Variants in ZNF567 observed in about 807,000 individuals in gnomAD.
ZNF567 encodes the protein zinc finger protein 567.
ZNF567 carries 36 observed loss-of-function variants against 53.9 expected under a neutral mutation model. That is an observed-to-expected ratio of 0.67 (90% CI 0.51 to 0.88). The LOEUF (loss-of-function observed/expected upper bound fraction) is 0.88. Ranked by LOEUF, ZNF567 falls within the 40% of genes least tolerant of loss-of-function variation. ZNF567 has a pLI of 0.00. For synonymous variants in ZNF567, 224 were observed against 260.4 expected (o/e 0.86, Z 1.35); for missense variants, 619 against 764.7 (o/e 0.81, Z 2.25).
chr19:36,719,468 T>C lies in ZNF567; in HGVS notation c.744T>C (p.Asn248=), dbSNP rs1248214651. 2 of 1,610,262 alleles carry C rather than the reference T, an allele frequency of 1.2e-6. No individual in the cohort carries two copies. Among genetic ancestry groups the C allele is most frequent in the African/African-American group, 1.3e-5 (1 of 74,544 alleles). ...ATAATAAAAAAAGAAGAGCAACCAA[T>C]ATTGAAAAAAAACATACATGCAATG... ...SVYNKKRRAT[N]IEKKHTCNEC... is the part of the protein sequence containing the mutation. The change falls in exon 6 of 6, where the codon AAT becomes AAC. Residue 248 remains asparagine (N), a synonymous_variant. Coordinates refer to ENST00000682579, the MANE Select transcript of ZNF567 (RefSeq NM_001322917.1).
At chr19:36,682,283 C>CAAA in the ZNF567 span, among the ~76,000 whole-genome samples, 2 of 96,608 alleles carry the variant, frequency 2.1e-5, no homozygotes, top group African/African-American at 7.8e-5. Context: ...GACCCTGTCT[C>CAAA]AAAAAAAAAA....
the ZNF567 span, among the ~76,000 whole-genome samples, chr19:36,675,597 C>T: frequency 4.6e-5 from 7 of 152,200 alleles, no homozygotes; most frequent in East Asian, 5.8e-4. Flanking sequence ...CACTTGAACC[C>T]GGGAGGCGGA....
chr19:36,672,428 G>A, the ZNF567 span, among the ~76,000 whole-genome samples: 3 of 152,102 alleles, frequency 2.0e-5, no homozygotes, highest in Non-Finnish European at 4.4e-5. Flanking sequence ...TTTCATAATC[G>A]GGTGTATAGG....
the ZNF567 span, among the ~76,000 whole-genome samples, chr19:36,680,738 T>C: frequency 2.6e-5 from 4 of 152,198 alleles, no homozygotes; most frequent in African/African-American, 9.6e-5. Flanking sequence ...ACTTTGCCTC[T>C]TTTTCTGGTG....
the ZNF567 span, among the ~76,000 whole-genome samples, chr19:36,669,627 T>C: frequency 0.37 from 56,732 of 151,984 alleles, 10,860 homozygotes; most frequent in East Asian, 0.6. Context: ...GAGAATGGTG[T>C]CATGTTGGGA....
chr19:36,681,797 T>C, the ZNF567 span, among the ~76,000 whole-genome samples: 161 of 152,130 alleles, frequency 1.1e-3, 1 homozygote, highest in African/African-American at 3.8e-3. Flanking sequence ...CCAGTTCATA[T>C]GTTTAATATT....
At chr19:36,671,932 G>C in the ZNF567 span, among the ~76,000 whole-genome samples, 1 of 152,232 alleles carries the variant, frequency 6.6e-6, no homozygotes, top group Non-Finnish European at 1.5e-5. Flanking sequence ...CACATGTGAA[G>C]AAGTGGCCCA....
chr19:36,726,511 C>CA (rs1156291442), downstream of ZNF567, among the ~76,000 whole-genome samples: 1 of 152,188 alleles, frequency 6.6e-6, no homozygotes, highest in Non-Finnish European at 1.5e-5. Context: ...TGCTCCTCCT[C>CA]ACGGTTAGGT....
the ZNF567 span, among the ~76,000 whole-genome samples, chr19:36,679,165 C>T: frequency 2.0e-5 from 3 of 151,392 alleles, no homozygotes; most frequent in East Asian, 3.9e-4. Context: ...ACGCACCTGT[C>T]GTCCCAGATA....
chr19:36,706,685 T>G (rs2039510687), intron 3 of ZNF567, among the ~76,000 whole-genome samples: 1 of 149,958 alleles, frequency 6.7e-6, no homozygotes, highest in South Asian at 2.1e-4. Context: ...TTTTTTGTTT[T>G]TTTTTTGAGA....
At chr19:36,682,610 A>G in the ZNF567 span, among the ~76,000 whole-genome samples, 1 of 139,054 alleles carries the variant, frequency 7.2e-6, no homozygotes, top group Non-Finnish European at 1.5e-5. Context: ...TATTATTATT[A>G]TTATTTTTTT....
intron 3 of ZNF567, among the ~76,000 whole-genome samples, chr19:36,702,682 C>G (rs937195933): frequency 2.6e-5 from 4 of 152,192 alleles, no homozygotes; most frequent in African/African-American, 9.7e-5. Context: ...ATTTGATCTT[C>G]CATCATTGAT....
downstream of ZNF567, among the ~76,000 whole-genome samples, chr19:36,725,394 G>A (rs1415799830): frequency 6.6e-6 from 1 of 151,926 alleles, no homozygotes; most frequent in Admixed American, 6.6e-5. Context: ...GTAGAAGCGG[G>A]GTTTCACCCT....
intron 2 of ZNF567, among the ~76,000 whole-genome samples, chr19:36,691,451 C>G (rs760582683): frequency 6.6e-6 from 1 of 151,516 alleles, no homozygotes; most frequent in Non-Finnish European, 1.5e-5. Flanking sequence ...TAGGTGTGAG[C>G]TACCTTGCCT....
upstream of ZNF567, chr19:36,686,410 T>G (rs953134918): frequency 6.6e-6 from 1 of 152,216 alleles, no homozygotes; most frequent in Non-Finnish European, 1.5e-5. Flanking sequence ...GCTCTCATCA[T>G]CTACCATAAA....
chr19:36,685,974 T>TA (rs2038260431), upstream of ZNF567: 1 of 152,204 alleles, frequency 6.6e-6, no homozygotes, highest in African/African-American at 2.4e-5. Flanking sequence ...AAGTGATCTT[T>TA]AATGCGCAAG....
At chr19:36,706,670 TTTTTTTTTTTG>T (rs1369924808) in intron 3 of ZNF567, among the ~76,000 whole-genome samples, 1 of 37,100 alleles carries the variant, frequency 2.7e-5, no homozygotes, top group African/African-American at 7.3e-5. Flanking sequence ...TTACTGTTGG[TTTTTTTTTTTG>T]TTTTTTTTTT....
chr19:36,703,267 T>C (rs1004594367), intron 3 of ZNF567, among the ~76,000 whole-genome samples: 2 of 152,128 alleles, frequency 1.3e-5, no homozygotes, highest in Non-Finnish European at 2.9e-5. Context: ...AATGCTGCTG[T>C]CTGATCGGTC....
In ZNF567 at chr19:36,720,381, A is replaced by C; in HGVS notation, c.1657A>C (p.Lys553Gln). ...RQKATLTVHQ[K>Q]IHTGQKSYEC... The stretch of plus-strand genomic sequence containing the variant: ...GAAAGCAACCCTCACTGTACATCAG[A>C]AAATACATACCGGCCAGAAATCCTA... Residue 553 changes from lysine (K) to glutamine (Q), a missense_variant, in exon 6 of 6, where the codon AAA (lysine) becomes CAA (glutamine). Lys to Gln is a moderately conservative substitution (Grantham distance 53). Coordinates refer to ENST00000682579, the MANE Select transcript of ZNF567 (RefSeq NM_001322917.1). 1 of 1,614,204 alleles carries C rather than the reference A, an allele frequency of 6.2e-7. No individual in the cohort carries two copies. The highest frequency in any genetic ancestry group is 8.5e-7 in the Non-Finnish European group (1 of 1,180,030).
Sources: gnomAD v4.1 joint callset for allele counts (sites outside exome capture counted in the v4.1 genomes callset) on GRCh38, gnomAD v4.1.1 for gene constraint, MANE v1.5 for transcripts, NCBI Gene and HGNC (gene_info 2026-07-23, HGNC 2026-07-21) for gene names.